Variants in LMBRD1 observed in about 807,000 individuals in gnomAD.
LMBRD1 encodes the protein LMBR1 domain containing 1, also known as lysosomal cobalamin transport escort protein LMBD1.
In LMBRD1, 64 loss-of-function variants were observed where a neutral mutation model predicts 74.8. The ratio of observed to expected loss-of-function variants is 0.86; its 90% CI spans 0.70 to 1.05. The LOEUF (loss-of-function observed/expected upper bound fraction) is 1.05. Ranked by LOEUF, LMBRD1 falls within the 50% of genes least tolerant of loss-of-function variation. LMBRD1 has a pLI of 0.00. For missense variants in LMBRD1, 652 were observed against 645.9 expected (o/e 1.01, Z -0.10); for synonymous variants, 204 against 216.3 (o/e 0.94, Z 0.50).
At chr6:69,701,180 A>ATG (rs1766121613) in intron 11 of LMBRD1, among the ~76,000 whole-genome samples, 2 of 151,876 alleles carry the variant, frequency 1.3e-5, no homozygotes, top group African/African-American at 2.4e-5. Context: ...AGGTCACCTC[A>ATG]TGTTATATAA....
At chr6:69,758,313 G>T (rs921270216) in intron 3 of LMBRD1, among the ~76,000 whole-genome samples, 1 of 152,128 alleles carries the variant, frequency 6.6e-6, no homozygotes, top group Non-Finnish European at 1.5e-5. Context: ...TTTTGTTTTA[G>T]AGGTCAAAGT....
intron 9 of LMBRD1, among the ~76,000 whole-genome samples, chr6:69,705,032 T>A (rs1766221786): frequency 6.6e-6 from 1 of 152,056 alleles, no homozygotes; most frequent in Non-Finnish European, 1.5e-5. Context: ...CATTTCCATG[T>A]CTGACCACCA....
chr6:69,736,252 T>C (rs554948751), intron 7 of LMBRD1, among the ~76,000 whole-genome samples: 7 of 152,154 alleles, frequency 4.6e-5, no homozygotes, highest in Admixed American at 1.3e-4. Context: ...GATCTTTGTA[T>C]AGCAAATAGT....
chr6:69,775,033 G>A (rs6938622), intron 3 of LMBRD1, among the ~76,000 whole-genome samples: 65,255 of 80,734 alleles, frequency 0.81, 26,360 homozygotes, highest in East Asian at 0.93. Flanking sequence ...GAGGGAGGGA[G>A]GGAAGGAAGG....
chr6:69,777,031 G>A (rs751327840), intron 3 of LMBRD1, among the ~76,000 whole-genome samples: 3 of 151,980 alleles, frequency 2.0e-5, no homozygotes, highest in African/African-American at 4.8e-5. Flanking sequence ...GCTTGTAATC[G>A]CAGCTACTCG....
At chr6:69,708,350 A>T (rs1308324635) in intron 9 of LMBRD1, among the ~76,000 whole-genome samples, 1 of 152,238 alleles carries the variant, frequency 6.6e-6, no homozygotes, top group East Asian at 1.9e-4. Context: ...AAAATCCTAC[A>T]TATAGAACTA....
At chr6:69,745,214 CTGTCTTACAATTACCG>C (rs1416818914) in intron 5 of LMBRD1, among the ~76,000 whole-genome samples, 1 of 151,694 alleles carries the variant, frequency 6.6e-6, no homozygotes, top group Non-Finnish European at 1.5e-5. Flanking sequence ...CACATCTTCA[CTGTCTTACAATTACCG>C]GGTAGGACAA....
At chr6:69,751,324 G>T (rs890894332) in intron 4 of LMBRD1, among the ~76,000 whole-genome samples, 1 of 151,124 alleles carries the variant, frequency 6.6e-6, no homozygotes, top group East Asian at 1.9e-4. Context: ...TTAAAAAGTC[G>T]GTCCTTTTTT....
Position 69,780,565 on chromosome 6 carries a change from A to C in LMBRD1, c.247-11T>G. 6.3e-7 allele frequency: 1 copy of C among 1,594,528 alleles called. No individual in the cohort carries two copies. Among genetic ancestry groups the C allele is most frequent in the Non-Finnish European group, 8.6e-7 (1 of 1,163,274 alleles). On this transcript the variant is annotated splice_polypyrimidine_tract_variant and intron_variant, in intron 2 of 15. Transcript: ENST00000649934. ...AGCATTAGCCCAGTCCTAGGATAAA[A>C]GGAAACAATAGAAATATTAATGAAA...
intron 8 of LMBRD1, among the ~76,000 whole-genome samples, chr6:69,718,081 G>C (rs976928032): frequency 6.6e-6 from 1 of 152,040 alleles, no homozygotes; most frequent in Non-Finnish European, 1.5e-5. Context: ...TTATTTATCA[G>C]AATCATACTA....
chr6:69,768,521 T>C (rs1409406034), intron 3 of LMBRD1, among the ~76,000 whole-genome samples: 1 of 152,006 alleles, frequency 6.6e-6, no homozygotes, highest in Non-Finnish European at 1.5e-5. Flanking sequence ...ATTCCCATCA[T>C]ATATTTTATG....
chr6:69,770,918 T>A (rs1582145101), intron 3 of LMBRD1, among the ~76,000 whole-genome samples: 5 of 151,956 alleles, frequency 3.3e-5, no homozygotes, highest in South Asian at 2.1e-4. Flanking sequence ...GCTAAAGGAG[T>A]TAAATTAGTC....
At chr6:69,719,223 T>C in intron 7 of LMBRD1, 142 bp from the exon 8 acceptor site, 1 of 696,682 alleles carries the variant, frequency 1.4e-6, no homozygotes, top group Non-Finnish European at 2.4e-6. Flanking sequence ...TATATGGGAG[T>C]GAACATTATA....
intron 7 of LMBRD1, among the ~76,000 whole-genome samples, chr6:69,721,222 T>C (rs1369355410): frequency 6.6e-6 from 1 of 152,112 alleles, no homozygotes; most frequent in Non-Finnish European, 1.5e-5. Flanking sequence ...GGGCTTACAG[T>C]GGACTAGGGT....
intron 4 of LMBRD1, 120 bp from the exon 5 acceptor site, chr6:69,749,528 A>G: frequency 1.3e-6 from 1 of 766,014 alleles, no homozygotes; most frequent in South Asian, 1.6e-5. Context: ...TATTGAAACT[A>G]AGGTTGAAAA....
Position 69,752,269 on chromosome 6 carries a change from C to T in LMBRD1, c.395G>A (p.Ser132Asn), listed in dbSNP as rs775230304. Reference protein sequence around the residue: ...YYEEKDDDDTSKCTQIKTALK... With the variant: ...YYEEKDDDDTNKCTQIKTALK... Reference sequence around the variant, plus strand: ...AATAAAGATACTTACAGTACATTTACTAGTATCATCATCATCCTTTTCTTC... The same window carrying T: ...AATAAAGATACTTACAGTACATTTATTAGTATCATCATCATCCTTTTCTTC... Residue 132 changes from serine to asparagine, a missense_variant, in exon 4 of 16, where the codon AGT (serine) becomes AAT (asparagine). Around this residue, in one of 3 missense-constraint regions of LMBRD1, gnomAD observed 598 missense variants for 581.8 expected, o/e 1.03. Coordinates refer to ENST00000649934, the MANE Select transcript of LMBRD1 (RefSeq NM_018368.4). 3 of 1,609,042 alleles carry T rather than the reference C, an allele frequency of 1.9e-6. No individual in the cohort carries two copies. Among genetic ancestry groups the T allele is most frequent in the Admixed American group, 3.3e-5 (2 of 59,902 alleles).
chr6:69,679,044 A>AAAC (rs71536476), intron 14 of LMBRD1, among the ~76,000 whole-genome samples: 14,287 of 125,340 alleles, frequency 0.11, 843 homozygotes, highest in Non-Finnish European at 0.16. Context: ...TGGTTAAAAC[A>AAAC]AAAAAAAAAA....
intron 14 of LMBRD1, among the ~76,000 whole-genome samples, chr6:69,696,896 T>C (rs1001288557): frequency 3.9e-5 from 6 of 152,012 alleles, no homozygotes; most frequent in Non-Finnish European, 8.8e-5. Context: ...AATAAAAGCA[T>C]GTTGAAGGCA....
chr6:69,733,147 CA>C (rs201048969), intron 7 of LMBRD1, among the ~76,000 whole-genome samples: 24 of 148,660 alleles, frequency 1.6e-4, no homozygotes, highest in East Asian at 3.9e-4. Flanking sequence ...AGCCTCAATA[CA>C]AAAAAAAAAT....
Sources: gnomAD v4.1 joint callset for allele counts (sites outside exome capture counted in the v4.1 genomes callset) on GRCh38, gnomAD v4.1.1 for gene constraint, gnomAD v4.1.1 regional missense constraint, MANE v1.5 for transcripts, NCBI Gene and HGNC (gene_info 2026-07-23, HGNC 2026-07-21) for gene names.